NPC1L1: variants seen among roughly 807,000 people sequenced by gnomAD.
The protein encoded by NPC1L1 is NPC1-like intracellular cholesterol transporter 1.
NPC1L1 carries 98 observed loss-of-function variants against 117.0 expected under a neutral mutation model. The observed-to-expected ratio is 0.84, with a 90% confidence interval of 0.71 to 0.99. NPC1L1 has a LOEUF of 0.99. NPC1L1 is among the 50% of genes least tolerant of loss of function. The probability of loss-of-function intolerance (pLI) is 0.00; values close to 1 mark genes in which losing one functional copy is unlikely to be tolerated. For synonymous variants in NPC1L1, 729 were observed against 727.6 expected, an observed-to-expected ratio of 1.00 and a Z score of -0.03; for missense variants, 1,540 against 1,710.0, an observed-to-expected ratio of 0.90 and a Z score of 1.75.
At chr7:44,532,277 C>A (rs974037063) in intron 8 of NPC1L1, 60 bp from the exon 9 acceptor site, 1 of 1,608,138 alleles carries the variant, frequency 6.2e-7, no homozygotes, top group East Asian at 2.2e-5. Context: ...CAGGGACCAC[C>A]TTCTTGCCCC....
chr7:44,530,208 G>A (rs1228667374), intron 10 of NPC1L1, among the ~76,000 whole-genome samples: 2 of 151,878 alleles, frequency 1.3e-5, no homozygotes, highest in African/African-American at 4.8e-5. Flanking sequence ...CGTGGTGGCG[G>A]CCACCTGTAA....
Position 44,540,005 on chromosome 7 carries a change from G to C in NPC1L1, c.392C>G (p.Pro131Arg). Residue 131 changes from proline to arginine, a missense_variant, in exon 2 of 19, where the codon CCC becomes CGC. Pro to Arg is a moderately radical substitution (Grantham distance 103, BLOSUM62 -2). Around this residue, in one of 3 missense-constraint regions of NPC1L1, gnomAD observed 793 missense variants for 820.4 expected, o/e 0.97. Coordinates refer to ENST00000381160, the MANE Select transcript of NPC1L1 (RefSeq NM_001101648.2). ...CACATTGATGAAGAGGCTCTGATTG[G>C]GGCTGCACGTGTTGTGGCAGTGCAG... Reference protein sequence around the residue: ...VNLHCHNTCSPNQSLFINVTR... With the variant: ...VNLHCHNTCSRNQSLFINVTR... 1.2e-6 allele frequency: 2 copies of C among 1,614,248 alleles called. No homozygotes were observed. Among genetic ancestry groups the C allele is most frequent in the Non-Finnish European group, 8.5e-7 (1 of 1,180,046 alleles).
chr7:44,532,237 C>T lies in NPC1L1; in HGVS notation c.2410-20G>A. The T allele has an allele frequency of 6.2e-7, 1 of 1,612,882 alleles. No homozygotes were observed. Among genetic ancestry groups the T allele is most frequent in the Non-Finnish European group, 8.5e-7 (1 of 1,179,890 alleles). On this transcript the variant is annotated intron_variant, in intron 8 of 18. Transcript: ENST00000381160. The stretch of plus-strand genomic sequence containing the variant: ...GGAGGCCTGGAGTGGGAGGCACCCC[C>T]TCAAGGTAGTCCCAGAGCAGACAAG...
intron 1 of NPC1L1, among the ~76,000 whole-genome samples, chr7:44,540,917 A>G (rs1802082274): frequency 6.6e-6 from 1 of 151,930 alleles, no homozygotes; most frequent in African/African-American, 2.4e-5. Context: ...ACCTCCCTCA[A>G]CTGCAGGCCT....
chr7:44,520,302 C>T (rs565608999), intron 14 of NPC1L1, among the ~76,000 whole-genome samples: 98 of 152,218 alleles, frequency 6.4e-4, no homozygotes, highest in African/African-American at 2.3e-3. Flanking sequence ...AGAGGGTCTC[C>T]CTACTGTTGC....
At chr7:44,527,547 GCTTACA>G (rs1801560512) in intron 10 of NPC1L1, among the ~76,000 whole-genome samples, 1 of 151,512 alleles carries the variant, frequency 6.6e-6, no homozygotes, top group African/African-American at 2.4e-5. Context: ...AGGCATAGTG[GCTTACA>G]CCTGTAATCC....
chr7:44,527,461 CAAA>C (rs1160435212), intron 10 of NPC1L1, among the ~76,000 whole-genome samples: 57 of 40,100 alleles, frequency 1.4e-3, no homozygotes, highest in African/African-American at 4.6e-3. Context: ...AACAACTTCT[CAAA>C]AAAAAAAAAA....
chr7:44,535,711 G>C, intron 5 of NPC1L1, 129 bp downstream of exon 5: 2 of 1,266,758 alleles, frequency 1.6e-6, no homozygotes, highest in Admixed American at 3.7e-5. Context: ...ATTACCCTTT[G>C]GGGCAGCCAC....
At chr7:44,521,918 C>A (rs1370568665) in intron 11 of NPC1L1, 82 bp from the exon 12 acceptor site, 2 of 1,606,494 alleles carry the variant, frequency 1.2e-6, no homozygotes, top group South Asian at 1.1e-5. Context: ...CCCCACGCAG[C>A]CCTCCCCAGG....
chr7:44,533,063 G>A (rs1026750484), intron 8 of NPC1L1, among the ~76,000 whole-genome samples: 21 of 151,636 alleles, frequency 1.4e-4, no homozygotes, highest in African/African-American at 5.1e-4. Context: ...CTGATATCAC[G>A]CCATTGCACT....
rs1331118521 is a variant in NPC1L1, at chr7:44,512,623, C to G, written c.*824G>C. Reference sequence around the variant, plus strand: ...CACTGCAGTTCATGCTTCTGGAGAGCTGTCCAAAAGCTCGGGTTGGGCTGG... The same window carrying G: ...CACTGCAGTTCATGCTTCTGGAGAGGTGTCCAAAAGCTCGGGTTGGGCTGG... On this transcript the variant is annotated 3_prime_UTR_variant, in exon 19 of 19. Transcript: ENST00000381160. 2 of 152,470 alleles carry G rather than the reference C, an allele frequency of 1.3e-5. No individual in the cohort carries two copies. The highest frequency in any genetic ancestry group is 4.8e-5 in the African/African-American group (2 of 41,462). 9.4% of individuals were successfully genotyped at this position (152,470 alleles called of 1,614,324 possible).
intron 10 of NPC1L1, among the ~76,000 whole-genome samples, chr7:44,531,195 C>T (rs1801689194): frequency 6.6e-6 from 1 of 152,218 alleles, no homozygotes; most frequent in African/African-American, 2.4e-5. Context: ...TTGGCCCGCA[C>T]ACTTACTGGT....
rs1801094806 is a variant in NPC1L1 at position 44,513,383 on chromosome 7, C to T, written c.*64G>A. 2.0e-6 allele frequency: 3 copies of T among 1,507,548 alleles called. No individual in the cohort carries two copies. The African/African-American group carries it at 4.1e-5, about 21-fold the overall frequency. 93.4% of individuals were successfully genotyped at this position (1,507,548 alleles called of 1,614,324 possible). On this transcript the variant is annotated 3_prime_UTR_variant, in exon 19 of 19. Transcript: ENST00000381160. The stretch of plus-strand genomic sequence containing the variant: ...GAGGGCGTGTGTCAAGGGGCAGTCA[C>T]AAGGAAGATCCCCATAACCCTTTGG...
chr7:44,532,312 G>A (rs1299018069), intron 8 of NPC1L1, 95 bp from the exon 9 acceptor site: 5 of 1,506,874 alleles, frequency 3.3e-6, no homozygotes, highest in South Asian at 1.1e-5. Flanking sequence ...TTCTGTGGGT[G>A]GCCCGTGCCA....
intron 10 of NPC1L1, among the ~76,000 whole-genome samples, chr7:44,531,355 A>G (rs1801693584): frequency 6.6e-6 from 1 of 151,980 alleles, no homozygotes; most frequent in African/African-American, 2.4e-5. Flanking sequence ...TGCAAATCCT[A>G]TGTGACCTTG....
Position 44,535,980 on chromosome 7 carries a change from C to G in NPC1L1, c.1855-12G>C. 6.2e-7 allele frequency: 1 copy of G among 1,612,766 alleles called. No individual in the cohort carries two copies. The highest frequency in any genetic ancestry group is 8.5e-7 in the Non-Finnish European group (1 of 1,179,980). ...TCTTCCAGAGAGCGCTGTGGACACACACCCGACCAGCCCCCACTGACCGTG... is the reference window on the plus strand; with the variant it reads ...TCTTCCAGAGAGCGCTGTGGACACAGACCCGACCAGCCCCCACTGACCGTG... On this transcript the variant is annotated splice_polypyrimidine_tract_variant and intron_variant, in intron 4 of 18. Coordinates refer to ENST00000381160, the MANE Select transcript of NPC1L1 (RefSeq NM_001101648.2).
Position 44,513,186 on chromosome 7 carries a change from C to T in NPC1L1, c.*261G>A, listed in dbSNP as rs924327330. ...CATGGAGTGTGTCTGTTCCTGCCAA[C>T]TTCCAGACCCAGGCCCAGGAGGAGG... On this transcript the variant is annotated 3_prime_UTR_variant, in exon 19 of 19. Coordinates refer to ENST00000381160, the MANE Select transcript of NPC1L1 (RefSeq NM_001101648.2). The T allele has an allele frequency of 9.4e-6, 5 of 529,820 alleles. No homozygotes were observed. The highest frequency in any genetic ancestry group is 6.7e-5 in the East Asian group (2 of 29,724). The allele number at this position is 529,820 out of a possible 1,614,324, so 32.8% of individuals were successfully genotyped here. A position where few individuals can be genotyped will look rare whatever the true frequency, so the allele number is the denominator to read the frequency against.
chr7:44,539,060 T>A lies in NPC1L1; in HGVS notation c.1337A>T (p.Glu446Val). The change falls in exon 2 of 19, where the codon GAG becomes GTG. Residue 446 changes from glutamate to valine, a missense_variant. By Grantham distance (121) the Glu-to-Val change is moderately radical. Transcript: ENST00000381160. This position sits in a 1 kb window ranked among gnomAD's most constrained non-coding sequence, Gnocchi z 4.4. Reference protein sequence around the residue: ...LDLDLLLELLELQERLRHLQV... With the variant: ...LDLDLLLELLVLQERLRHLQV... ...GAGGTGCCGCAGCCTCTCCTGCAGCTCTAGCAGCTCCAGCAGCAAGTCCAG... is the reference window on the plus strand; with the variant it reads ...GAGGTGCCGCAGCCTCTCCTGCAGCACTAGCAGCTCCAGCAGCAAGTCCAG... The A allele has an allele frequency of 6.2e-7, 1 of 1,614,044 alleles. No homozygotes were observed. Among genetic ancestry groups the A allele is most frequent in the Non-Finnish European group, 8.5e-7 (1 of 1,179,972 alleles).
intron 10 of NPC1L1, among the ~76,000 whole-genome samples, chr7:44,527,533 G>A (rs1261560498): frequency 6.7e-6 from 1 of 149,366 alleles, no homozygotes; most frequent in Non-Finnish European, 1.5e-5. Context: ...AAAATCCCTT[G>A]GCTAGGCATA....
Sources: gnomAD v4.1 joint callset for allele counts (sites outside exome capture counted in the v4.1 genomes callset) on GRCh38, gnomAD v4.1.1 for gene constraint, gnomAD v4.1.1 regional missense constraint, Gnocchi (gnomAD v3.1) non-coding constraint, MANE v1.5 for transcripts, NCBI Gene and HGNC (gene_info 2026-07-23, HGNC 2026-07-21) for gene names.